The following IGSF11 variants were observed in gnomAD, a reference collection of about 807,000 sequenced individuals.
The protein encoded by IGSF11 is immunoglobulin superfamily member 11.
IGSF11 carries 22 observed loss-of-function variants against 41.0 expected under a neutral mutation model. The ratio of observed to expected loss-of-function variants is 0.54; its 90% CI spans 0.38 to 0.77. IGSF11 has a LOEUF of 0.77. Ranked by LOEUF, IGSF11 falls within the 30% of genes least tolerant of loss-of-function variation. IGSF11 has a pLI of 0.00. For synonymous variants in IGSF11, 219 were observed against 201.3 expected (o/e 1.09, Z -0.74); for missense variants, 444 against 530.8 (o/e 0.84, Z 1.61).
At chr3:119,045,101 G>A (rs1449557327) in intron 1 of IGSF11, among the ~76,000 whole-genome samples, 2 of 152,206 alleles carry the variant, frequency 1.3e-5, no homozygotes, top group African/African-American at 2.4e-5. Context: ...TTAAAAAATA[G>A]AGAATGGCAG....
chr3:118,945,572 G>A (rs901869509), intron 1 of IGSF11, among the ~76,000 whole-genome samples: 6 of 152,044 alleles, frequency 3.9e-5, no homozygotes, highest in Admixed American at 2.0e-4. Context: ...ACAGAGTGCC[G>A]GAAGAATAAG....
At chr3:118,909,250 G>A (rs1939980891) in intron 4 of IGSF11, among the ~76,000 whole-genome samples, 1 of 151,924 alleles carries the variant, frequency 6.6e-6, no homozygotes, top group Non-Finnish European at 1.5e-5. Context: ...TAAATAATGA[G>A]TAACTATAAT....
intron 1 of IGSF11, among the ~76,000 whole-genome samples, chr3:119,025,884 G>A (rs960437047): frequency 1.3e-5 from 2 of 152,224 alleles, no homozygotes; most frequent in South Asian, 4.2e-4. Flanking sequence ...TGTGCATAAT[G>A]GAGAAACAGC....
chr3:118,938,008 T>C (rs1323846601), intron 1 of IGSF11, among the ~76,000 whole-genome samples: 1 of 150,300 alleles, frequency 6.7e-6, no homozygotes, highest in Non-Finnish European at 1.5e-5. Flanking sequence ...CCAAAAGATA[T>C]CTCTCTCTCT....
intron 1 of IGSF11, among the ~76,000 whole-genome samples, chr3:119,092,002 G>GA (rs199966435): frequency 6.8e-6 from 1 of 146,750 alleles, no homozygotes; most frequent in African/African-American, 2.5e-5. Context: ...TTGGGGGGGG[G>GA]GGGTTGGTGG....
intron 1 of IGSF11, among the ~76,000 whole-genome samples, chr3:119,095,940 T>A (rs1402597062): frequency 1.3e-5 from 2 of 152,212 alleles, no homozygotes; most frequent in Non-Finnish European, 2.9e-5. Context: ...GAAGATTGCA[T>A]CTTATAAACT....
At chr3:118,917,437 C>A (rs1376568780) in intron 4 of IGSF11, among the ~76,000 whole-genome samples, 1 of 147,520 alleles carries the variant, frequency 6.8e-6, no homozygotes, top group Non-Finnish European at 1.5e-5. Context: ...CACCACCGAT[C>A]CCACAGAAAT....
chr3:118,960,646 T>C (rs1945279605), intron 1 of IGSF11, among the ~76,000 whole-genome samples: 1 of 152,130 alleles, frequency 6.6e-6, no homozygotes, highest in Non-Finnish European at 1.5e-5. Flanking sequence ...AAAATAAAAA[T>C]CACTTATAAT....
At chr3:118,964,210 T>C (rs1945522851) in intron 1 of IGSF11, among the ~76,000 whole-genome samples, 2 of 152,260 alleles carry the variant, frequency 1.3e-5, no homozygotes, top group South Asian at 2.1e-4. Context: ...TACATTACAT[T>C]ATGGGTTTGT....
At chr3:119,112,375 T>C (rs2077188742) in intron 1 of IGSF11, among the ~76,000 whole-genome samples, 1 of 152,180 alleles carries the variant, frequency 6.6e-6, no homozygotes, top group Non-Finnish European at 1.5e-5. Flanking sequence ...AGCGAGACTC[T>C]GTGGGCGTAG....
intron 1 of IGSF11, among the ~76,000 whole-genome samples, chr3:119,016,050 A>G (rs1183587440): frequency 2.6e-5 from 4 of 152,368 alleles, no homozygotes; most frequent in East Asian, 1.9e-4. Flanking sequence ...TGAGTAGACC[A>G]GGCAGAAAGG....
At chr3:119,105,602 T>C (rs1291963733), upstream of IGSF11, among the ~76,000 whole-genome samples, 1 of 152,190 alleles carries the variant, frequency 6.6e-6, no homozygotes, top group Admixed American at 6.5e-5. Flanking sequence ...AACACACTTA[T>C]CCAATTTTCT....
At chr3:119,045,613 C>T (rs1364003201) in intron 1 of IGSF11, among the ~76,000 whole-genome samples, 8 of 151,920 alleles carry the variant, frequency 5.3e-5, no homozygotes, top group Admixed American at 1.3e-4. Context: ...ACAAAGCAGC[C>T]AAGAAGCTCC....
chr3:118,935,283 AATATCAGGGTGTATATACATATATATAT>A (rs1465070703), intron 1 of IGSF11, among the ~76,000 whole-genome samples: 10 of 134,252 alleles, frequency 7.4e-5, no homozygotes, highest in African/African-American at 2.9e-4. Flanking sequence ...ACCCTGAGGA[AATATCAGGGTGTATATACATATATATAT>A]ATATATATGT....
chr3:118,902,833 A>C lies in IGSF11; in HGVS notation c.983T>G (p.Val328Gly), dbSNP rs1358500434. 1 of 1,614,020 alleles carries C rather than the reference A, an allele frequency of 6.2e-7. No individual in the cohort carries two copies. The highest frequency in any genetic ancestry group is 8.5e-7 in the Non-Finnish European group (1 of 1,180,024). The stretch of plus-strand genomic sequence containing the variant: ...GCTGACTGACTCTGTGTTTCTATGA[A>C]CTTTTGGATTGTTGCTCCAGTATCG... Reference protein sequence around the residue: ...NSRYWSNNPKVHRNTESVSHF... With the variant: ...NSRYWSNNPKGHRNTESVSHF... Residue 328 changes from valine (V) to glycine (G), a missense_variant, in exon 7 of 7, where the codon GTT becomes GGT. Val to Gly is a moderately radical substitution (Grantham distance 109). Around this residue, in one of 3 missense-constraint regions of IGSF11, gnomAD observed 223 missense variants for 226.2 expected, o/e 0.99. Coordinates refer to ENST00000393775, the MANE Select transcript of IGSF11 (RefSeq NM_001015887.3).
chr3:118,928,103 G>A (rs1268300734), intron 3 of IGSF11, among the ~76,000 whole-genome samples: 1 of 152,130 alleles, frequency 6.6e-6, no homozygotes, highest in East Asian at 1.9e-4. Context: ...GATCCTACTC[G>A]GTGTTACACA....
At chr3:119,050,339 G>A (rs1361583613) in intron 1 of IGSF11, among the ~76,000 whole-genome samples, 31 of 152,184 alleles carry the variant, frequency 2.0e-4, no homozygotes, top group African/African-American at 4.8e-4. Flanking sequence ...GGCAAAGGAC[G>A]TGAACAGACA....
chr3:119,030,202 G>T (rs2107732478), intron 1 of IGSF11, among the ~76,000 whole-genome samples: 1 of 152,282 alleles, frequency 6.6e-6, no homozygotes, highest in Middle Eastern at 3.4e-3. Context: ...ACTTTTTCAA[G>T]TAACTTTTTA....
chr3:118,903,257 T>G (rs766637056), intron 6 of IGSF11, among the ~76,000 whole-genome samples: 1 of 152,142 alleles, frequency 6.6e-6, no homozygotes, highest in Non-Finnish European at 1.5e-5. Context: ...TAAACATATA[T>G]GTAAATAACA....
Sources: allele counts gnomAD v4.1 joint callset (sites outside exome capture counted in the v4.1 genomes callset), GRCh38; gene constraint gnomAD v4.1.1; regional missense constraint gnomAD v4.1.1; transcripts MANE v1.5; gene names NCBI Gene and HGNC (gene_info 2026-07-23, HGNC 2026-07-21).